Variants in NIBAN1 observed in about 807,000 individuals in gnomAD.
The protein encoded by NIBAN1 is protein Niban 1.
A neutral mutation model predicts 75.1 loss-of-function variants in NIBAN1; 81 were observed. The observed-to-expected ratio is 1.08, with a 90% CI of 0.90 to 1.30. NIBAN1 has a LOEUF of 1.30. Ranked by LOEUF, NIBAN1 falls within the 50% of genes most tolerant of loss-of-function variation. NIBAN1 has a pLI of 0.00. For synonymous variants in NIBAN1, 436 were observed against 424.8 expected, an observed-to-expected ratio of 1.03 and a Z score of -0.32; for missense variants, 1,133 against 1,128.1, an observed-to-expected ratio of 1.00 and a Z score of -0.06.
intron 5 of NIBAN1, chr1:184,868,057 A>G: frequency 3.0e-6 from 3 of 985,412 alleles, no homozygotes; most frequent in Non-Finnish European, 3.6e-6. Flanking sequence ...CTCCCACCAG[A>G]AAGGAACTTG....
At chr1:184,905,117 T>G (rs1395128955) in intron 1 of NIBAN1, among the ~76,000 whole-genome samples, 1 of 151,746 alleles carries the variant, frequency 6.6e-6, no homozygotes, top group East Asian at 1.9e-4. Context: ...AGCCAAAGCT[T>G]GGTGTGTGTG....
intron 3 of NIBAN1, 104 bp downstream of exon 3, chr1:184,893,971 G>T: frequency 8.2e-7 from 1 of 1,217,892 alleles, no homozygotes; most frequent in South Asian, 1.6e-5. Context: ...GTACCATGCT[G>T]ATTTTGTTAG....
intron 10 of NIBAN1, among the ~76,000 whole-genome samples, chr1:184,806,665 G>A (rs1425445824): frequency 1.3e-5 from 2 of 151,218 alleles, no homozygotes; most frequent in African/African-American, 4.9e-5. Flanking sequence ...GGGTTAGTTA[G>A]CTAAAATGTA....
chr1:184,969,749 C>A (rs965233305), intron 1 of NIBAN1, among the ~76,000 whole-genome samples: 28 of 150,036 alleles, frequency 1.9e-4, no homozygotes, highest in African/African-American at 6.9e-4. Context: ...CCAGGCTGGT[C>A]TCAAACTTCT....
rs1048175178 is a variant in NIBAN1 at position 184,793,063 on chromosome 1, A to G, written c.*1914T>C. 6.6e-5 allele frequency: 10 copies of G among 152,206 alleles called. No homozygotes were observed. Among genetic ancestry groups the G allele is most frequent in the African/African-American group, 2.4e-4 (10 of 41,436 alleles). The allele number at this position is 152,206 out of a possible 1,614,324, so 9.4% of individuals were successfully genotyped here. On this transcript the variant is annotated 3_prime_UTR_variant, in exon 14 of 14. Coordinates refer to ENST00000367511, the MANE Select transcript of NIBAN1 (RefSeq NM_052966.4). Reference sequence around the variant, plus strand: ...ACGCCAAGAAAAGTTGCAACAATTAAATATGATATTATACATATACTGAGT... The same window carrying G: ...ACGCCAAGAAAAGTTGCAACAATTAGATATGATATTATACATATACTGAGT...
intron 5 of NIBAN1, among the ~76,000 whole-genome samples, chr1:184,840,670 C>G (rs771133518): frequency 1.3e-5 from 2 of 151,042 alleles, no homozygotes; most frequent in Non-Finnish European, 2.9e-5. Flanking sequence ...ACTACTAGAA[C>G]AAGTGAAGAC....
intron 1 of NIBAN1, among the ~76,000 whole-genome samples, chr1:184,961,879 A>G (rs1168308661): frequency 6.6e-6 from 1 of 152,236 alleles, no homozygotes; most frequent in Non-Finnish European, 1.5e-5. Context: ...TGCTGTGCGT[A>G]AGAATTTAAT....
chr1:184,935,819 A>G (rs1427653141), intron 1 of NIBAN1, among the ~76,000 whole-genome samples: 2 of 151,556 alleles, frequency 1.3e-5, no homozygotes, highest in African/African-American at 4.8e-5. Flanking sequence ...TTGACTTAAA[A>G]TCCAGAATGA....
chr1:184,885,702 CA>C (rs1656507968), intron 4 of NIBAN1, among the ~76,000 whole-genome samples: 1 of 152,224 alleles, frequency 6.6e-6, no homozygotes, highest in Non-Finnish European at 1.5e-5. Context: ...ATTCTCACCT[CA>C]GTCTGATTCC....
At chr1:184,904,738 G>A (rs1657046072) in intron 1 of NIBAN1, among the ~76,000 whole-genome samples, 1 of 152,154 alleles carries the variant, frequency 6.6e-6, no homozygotes, top group African/African-American at 2.4e-5. Context: ...ATCACTTGAG[G>A]TCAAGAGTTC....
intron 7 of NIBAN1, 87 bp from the exon 8 acceptor site, chr1:184,823,416 G>A (rs144981050): frequency 2.7e-6 from 4 of 1,506,444 alleles, no homozygotes; most frequent in Admixed American, 3.9e-5. Context: ...TTCATCACAG[G>A]CCATCATAAC....
At chr1:184,839,308 A>G (rs1402633866) in intron 5 of NIBAN1, among the ~76,000 whole-genome samples, 7 of 152,082 alleles carry the variant, frequency 4.6e-5, no homozygotes, top group African/African-American at 1.7e-4. Flanking sequence ...TTATTTTGAG[A>G]TAATTTTAGA....
chr1:184,915,455 C>A (rs1657360349), intron 1 of NIBAN1, among the ~76,000 whole-genome samples: 1 of 152,330 alleles, frequency 6.6e-6, no homozygotes, highest in Non-Finnish European at 1.5e-5. Flanking sequence ...TATCAAAGTA[C>A]CAACTTCAAA....
rs1234752029 is a variant in NIBAN1 at position 184,884,721 on chromosome 1, G to A, written c.513C>T (p.Phe171=). The part of the protein sequence containing the change: ...EFPVYLWQPF[F]RHGYFCFHEA... ...CGTGGAAGCAGAAGTAGCCGTGTCT[G>A]AAGAAGGGCTGCCACAGGTACACTG... is the stretch of plus-strand genomic sequence containing the variant. Residue 171 remains phenylalanine, a synonymous_variant, in exon 5 of 14, where the codon TTC becomes TTT. Transcript: ENST00000367511. 6.2e-7 allele frequency: 1 copy of A among 1,614,216 alleles called. No individual in the cohort carries two copies. Among genetic ancestry groups the A allele is most frequent in the Admixed American group, 1.7e-5 (1 of 60,032 alleles).
chr1:184,959,015 G>A (rs1416253967), intron 1 of NIBAN1, among the ~76,000 whole-genome samples: 1 of 152,168 alleles, frequency 6.6e-6, no homozygotes, highest in Admixed American at 6.5e-5. Flanking sequence ...ATCCAAATTT[G>A]GAAAATCTCT....
At chr1:184,841,856 A>G (rs373174712) in intron 5 of NIBAN1, among the ~76,000 whole-genome samples, 1 of 152,210 alleles carries the variant, frequency 6.6e-6, no homozygotes, top group African/African-American at 2.4e-5. Flanking sequence ...TCATGGCATC[A>G]TGTGCCTCCC....
chr1:184,818,949 G>A, intron 8 of NIBAN1, 124 bp from the exon 9 acceptor site: 2 of 1,054,910 alleles, frequency 1.9e-6, no homozygotes, highest in Non-Finnish European at 2.7e-6. Context: ...AGCTCAAGAG[G>A]CCATGACAGA....
At chr1:184,863,670 G>A (rs1025300604) in intron 5 of NIBAN1, among the ~76,000 whole-genome samples, 4 of 152,102 alleles carry the variant, frequency 2.6e-5, no homozygotes, top group African/African-American at 7.2e-5. Context: ...TTCAACCACT[G>A]TCAGGTTAAA....
intron 1 of NIBAN1, among the ~76,000 whole-genome samples, chr1:184,942,486 G>A (rs1039575983): frequency 1.4e-4 from 22 of 152,298 alleles, no homozygotes; most frequent in African/African-American, 3.8e-4. Flanking sequence ...GAGGTCAGGA[G>A]ATCGAGACCA....
Sources: allele counts gnomAD v4.1 joint callset (sites outside exome capture counted in the v4.1 genomes callset), GRCh38; gene constraint gnomAD v4.1.1; transcripts MANE v1.5; gene names NCBI Gene and HGNC (gene_info 2026-07-23, HGNC 2026-07-21).